The following NDUFA10 variants were observed in gnomAD, a reference collection of about 807,000 sequenced individuals.
NDUFA10 encodes the protein NADH:ubiquinone oxidoreductase subunit A10.
NDUFA10 carries 40 observed loss-of-function variants against 47.8 expected under a neutral mutation model. The ratio of observed to expected loss-of-function variants is 0.84; its 90% confidence interval spans 0.65 to 1.09. NDUFA10 has a LOEUF of 1.09. Ranked by LOEUF, NDUFA10 falls within the 50% of genes least tolerant of loss-of-function variation. The pLI is 0.00. For synonymous variants in NDUFA10, 183 were observed against 172.2 expected (o/e 1.06, Z -0.49); for missense variants, 413 against 451.1 (o/e 0.92, Z 0.76).
chr2:239,984,943 C>T (rs1288012995), intron 9 of NDUFA10, among the ~76,000 whole-genome samples: 2 of 152,222 alleles, frequency 1.3e-5, no homozygotes, highest in Non-Finnish European at 2.9e-5. Context: ...TCAGTAAGCG[C>T]AAGCTAGAAA....
At chr2:240,002,955 C>A (rs1003632991) in intron 8 of NDUFA10, among the ~76,000 whole-genome samples, 3 of 151,950 alleles carry the variant, frequency 2.0e-5, no homozygotes, top group Non-Finnish European at 4.4e-5. Context: ...GTTCAAGTGA[C>A]CCTCCCACCT....
At chr2:240,017,497 G>C (rs886910364) in intron 4 of NDUFA10, among the ~76,000 whole-genome samples, 6 of 152,180 alleles carry the variant, frequency 3.9e-5, no homozygotes, top group African/African-American at 1.4e-4. Context: ...GTAATGCTCA[G>C]GAGTGCTAAG....
chr2:239,992,909 G>A (rs1465880), intron 8 of NDUFA10, among the ~76,000 whole-genome samples: 40,986 of 152,122 alleles, frequency 0.27, 6,786 homozygotes, highest in East Asian at 0.44. Context: ...CTGGTAAGCG[G>A]CATGTTTACA....
intron 4 of NDUFA10, among the ~76,000 whole-genome samples, chr2:239,911,099 G>A (rs1407844938): frequency 2.0e-5 from 3 of 152,272 alleles, no homozygotes; most frequent in Non-Finnish European, 2.9e-5. Flanking sequence ...GTCACACCAC[G>A]CTGGGGCCTC....
intron 3 of NDUFA10, among the ~76,000 whole-genome samples, chr2:240,019,420 G>A (rs1574898418): frequency 6.6e-6 from 1 of 152,110 alleles, no homozygotes; most frequent in South Asian, 2.1e-4. Flanking sequence ...TGGGAAATAG[G>A]TTACTATAGC....
At chr2:239,932,553 T>C (rs1257396693) in intron 4 of NDUFA10, among the ~76,000 whole-genome samples, 1 of 152,222 alleles carries the variant, frequency 6.6e-6, no homozygotes, top group Non-Finnish European at 1.5e-5. Flanking sequence ...CTGGGATAAG[T>C]TTCCAAAAGT....
At chr2:239,973,827 C>T (rs1427277534) in intron 9 of NDUFA10, among the ~76,000 whole-genome samples, 3 of 152,168 alleles carry the variant, frequency 2.0e-5, no homozygotes, top group Non-Finnish European at 4.4e-5. Flanking sequence ...ATTCCGGGCA[C>T]AAAATGAGGA....
chr2:240,011,752 C>T, intron 5 of NDUFA10, 56 bp from the exon 6 acceptor site: 1 of 1,429,424 alleles, frequency 7.0e-7, no homozygotes, highest in Non-Finnish European at 9.9e-7. Context: ...TTCTCTTTGA[C>T]CTGTGCGTAT....
rs1358953766 is a variant in NDUFA10, at chr2:239,960,166, A to T, written c.*952T>A. The T allele has an allele frequency of 1.0e-6, 1 of 985,266 alleles. No homozygotes were observed. Among genetic ancestry groups the T allele is most frequent in the Non-Finnish European group, 1.2e-6 (1 of 829,960 alleles). 61.0% of individuals were successfully genotyped at this position (985,266 alleles called of 1,614,324 possible). On this transcript the variant is annotated 3_prime_UTR_variant, in exon 10 of 10. Coordinates refer to ENST00000252711, the MANE Select transcript of NDUFA10 (RefSeq NM_004544.4). Reference sequence around the variant, plus strand: ...CAGTTCAGTAGGACTCACAACTGGCAGCCTGATTCCTAATGGACACAGTGG... The same window carrying T: ...CAGTTCAGTAGGACTCACAACTGGCTGCCTGATTCCTAATGGACACAGTGG...
At chr2:239,966,867 TTTTC>T (rs59128653) in intron 9 of NDUFA10, among the ~76,000 whole-genome samples, 37,020 of 128,266 alleles carry the variant, frequency 0.29, 5,177 homozygotes, top group East Asian at 0.39. Context: ...TTTTTTTTTT[TTTTC>T]CCTAAGAGAG....
chr2:239,941,940 A>G (rs1694366825), intron 4 of NDUFA10, among the ~76,000 whole-genome samples: 1 of 152,248 alleles, frequency 6.6e-6, no homozygotes, highest in Non-Finnish European at 1.5e-5. Context: ...ACATAAGCAA[A>G]TGAAAGTAAA....
chr2:239,984,515 A>G (rs538668669), intron 9 of NDUFA10, among the ~76,000 whole-genome samples: 5 of 152,366 alleles, frequency 3.3e-5, no homozygotes, highest in Non-Finnish European at 7.3e-5. Flanking sequence ...CACAAGCCCA[A>G]TATCATATAT....
At chr2:240,014,585 C>A in intron 5 of NDUFA10, 154 bp downstream of exon 5, 1 of 1,261,886 alleles carries the variant, frequency 7.9e-7, no homozygotes, top group Non-Finnish European at 1.1e-6. Context: ...CCCTCCACCC[C>A]TGCAGATGCC....
intron 4 of NDUFA10, among the ~76,000 whole-genome samples, chr2:239,905,587 G>T (rs1400268011): frequency 6.6e-6 from 1 of 152,178 alleles, no homozygotes; most frequent in Non-Finnish European, 1.5e-5. Context: ...GCGTCGGGGG[G>T]TTTACGCAGC....
rs140654649 is a variant in NDUFA10 at position 239,971,284 on chromosome 2, C to T, written c.1000-10098G>A. 7.9e-5 allele frequency among the ~76,000 whole-genome samples: 12 copies of T among 152,334 alleles called. No homozygotes were observed. The East Asian group carries it at 2.1e-3, about 27-fold the overall frequency. Reference sequence around the variant, plus strand: ...CAAGCACCTCCCCGCCCAGGTACATCGCAAGGGTCTCCAAGTAGGTCTTCC... The same window carrying T: ...CAAGCACCTCCCCGCCCAGGTACATTGCAAGGGTCTCCAAGTAGGTCTTCC... On this transcript the variant is annotated intron_variant, in intron 9 of 9. Transcript: ENST00000252711.
intron 4 of NDUFA10, among the ~76,000 whole-genome samples, chr2:239,903,993 C>A (rs189086262): frequency 1.3e-5 from 2 of 152,176 alleles, no homozygotes; most frequent in African/African-American, 4.8e-5. Flanking sequence ...AGAGTCCAGA[C>A]GCCCTGGATG....
intron 5 of NDUFA10, chr2:240,014,113 G>C (rs1697241779): frequency 6.4e-6 from 1 of 155,250 alleles, no homozygotes; most frequent in Non-Finnish European, 1.4e-5. Flanking sequence ...CTCGCCACAG[G>C]GCAAAGACGG....
intron 4 of NDUFA10, among the ~76,000 whole-genome samples, chr2:239,923,575 T>A (rs1008162375): frequency 6.6e-6 from 1 of 151,374 alleles, no homozygotes; most frequent in Non-Finnish European, 1.5e-5. Context: ...ACAGAAAAAA[T>A]AGAAATAAAA....
chr2:240,018,911 A>G (rs922065138), intron 3 of NDUFA10, among the ~76,000 whole-genome samples: 2 of 152,164 alleles, frequency 1.3e-5, no homozygotes, highest in African/African-American at 2.4e-5. Context: ...GTTTTTAAAT[A>G]ACGTATTCCA....
Sources: gnomAD v4.1 joint callset for allele counts (sites outside exome capture counted in the v4.1 genomes callset) on GRCh38, gnomAD v4.1.1 for gene constraint, MANE v1.5 for transcripts, NCBI Gene and HGNC (gene_info 2026-07-23, HGNC 2026-07-21) for gene names.